The following DTNBP1 variants were observed in gnomAD, a reference collection of about 807,000 sequenced individuals.
DTNBP1 encodes dysbindin.
In DTNBP1, 35 loss-of-function variants were observed where a neutral mutation model predicts 42.8. The observed-to-expected ratio is 0.82, with a 90% CI of 0.63 to 1.09. The LOEUF (loss-of-function observed/expected upper bound fraction) is 1.09. Ranked by LOEUF, DTNBP1 falls within the 50% of genes least tolerant of loss-of-function variation. The pLI is 0.00. For synonymous variants in DTNBP1, 171 were observed against 162.2 expected, an observed-to-expected ratio of 1.05 and a Z score of -0.41; for missense variants, 457 against 424.2, an observed-to-expected ratio of 1.08 and a Z score of -0.68.
chr6:15,635,503 A>G (rs1268902301), intron 4 of DTNBP1, among the ~76,000 whole-genome samples: 1 of 152,128 alleles, frequency 6.6e-6, no homozygotes, highest in Non-Finnish European at 1.5e-5. Flanking sequence ...GAGGATTTAC[A>G]TATCTCATTT....
In DTNBP1 at chr6:15,524,541, G is replaced by A. The variant is rs1772219068; in HGVS notation, c.796C>T (p.Leu266=). Residue 266 remains leucine, a synonymous_variant, in exon 9 of 10, where the codon CTG becomes TTG. Transcript: ENST00000344537. ...TCAACCCTACCTAAGGCGGGGGACA[G>A]CACAGTGTTCTCTTCTCCTCCAGAG... The part of the protein sequence containing the change: ...LNSGGEENTV[L]SPALGPESST... 6.2e-7 allele frequency: 1 copy of A among 1,609,060 alleles called. No individual in the cohort carries two copies. The highest frequency in any genetic ancestry group is 1.3e-5 in the African/African-American group (1 of 74,960).
At chr6:15,532,926 T>C (rs1022362813) in intron 8 of DTNBP1, among the ~76,000 whole-genome samples, 3 of 152,106 alleles carry the variant, frequency 2.0e-5, no homozygotes, top group Non-Finnish European at 2.9e-5. Context: ...CTCAAACTCC[T>C]GACCTCGGGT....
chr6:15,535,380 G>C (rs144024181), intron 7 of DTNBP1, among the ~76,000 whole-genome samples: 4 of 152,092 alleles, frequency 2.6e-5, no homozygotes, highest in African/African-American at 7.2e-5. Context: ...ACAGTGGTGC[G>C]ATCTCAGTTC....
chr6:15,638,190 C>A (rs1000476635), intron 3 of DTNBP1, among the ~76,000 whole-genome samples: 1 of 151,626 alleles, frequency 6.6e-6, no homozygotes, highest in Admixed American at 6.6e-5. Context: ...TGCAGTGGTG[C>A]GATCTCGACT....
chr6:15,628,222 A>C (rs1446794159), intron 4 of DTNBP1, among the ~76,000 whole-genome samples: 2 of 152,162 alleles, frequency 1.3e-5, no homozygotes, highest in Non-Finnish European at 2.9e-5. Context: ...AGAAAGACTT[A>C]GAAGGAGCAA....
intron 6 of DTNBP1, among the ~76,000 whole-genome samples, chr6:15,611,560 A>T (rs1226616100): frequency 6.6e-6 from 1 of 152,218 alleles, no homozygotes; most frequent in Non-Finnish European, 1.5e-5. Flanking sequence ...CCTTCAACGG[A>T]TCTAGGTCAA....
chr6:15,524,423 GT>G, intron 9 of DTNBP1, 102 bp downstream of exon 9: 1 of 1,614,194 alleles, frequency 6.2e-7, no homozygotes, highest in East Asian at 2.2e-5. Context: ...GAGCTTGGGG[GT>G]TTATGCGTAA....
intron 7 of DTNBP1, among the ~76,000 whole-genome samples, chr6:15,569,136 A>C (rs763471197): frequency 6.6e-6 from 1 of 152,238 alleles, no homozygotes; most frequent in African/African-American, 2.4e-5. Context: ...ACCAAAAGTC[A>C]TATAGCACTA....
At chr6:15,621,912 T>C (rs2113722243) in intron 5 of DTNBP1, among the ~76,000 whole-genome samples, 1 of 152,276 alleles carries the variant, frequency 6.6e-6, no homozygotes, top group South Asian at 2.1e-4. Context: ...TCCTCTTCTG[T>C]GCTTCCCCAG....
rs529025365 is a variant in DTNBP1, at chr6:15,621,965, T to C, written c.355+5378A>G. Among the ~76,000 whole-genome samples, 154 of 152,324 alleles carry C rather than the reference T, an allele frequency of 1.0e-3. 1 individual carries two copies. Among genetic ancestry groups the C allele is most frequent in the Admixed American group, 1.9e-3 (29 of 15,298 alleles). On this transcript the variant is annotated intron_variant, in intron 5 of 9. Transcript: ENST00000344537. The stretch of plus-strand genomic sequence containing the variant: ...AGGACTCACATTCTGACTGATATCA[T>C]CCAACCAGTTGTGTACTCTCATATC...
chr6:15,634,829 T>C (rs1355155066), intron 4 of DTNBP1, among the ~76,000 whole-genome samples: 10 of 152,232 alleles, frequency 6.6e-5, no homozygotes, highest in Admixed American at 2.0e-4. Context: ...AGATAACTAA[T>C]ATATATGTCC....
chr6:15,568,785 T>C (rs1775210158), intron 7 of DTNBP1, among the ~76,000 whole-genome samples: 1 of 152,260 alleles, frequency 6.6e-6, no homozygotes, highest in South Asian at 2.1e-4. Flanking sequence ...GCTTGCTTTA[T>C]TGTGAGAATA....
chr6:15,541,135 C>A (rs1159127165), intron 7 of DTNBP1, among the ~76,000 whole-genome samples: 4 of 152,108 alleles, frequency 2.6e-5, no homozygotes, highest in Non-Finnish European at 5.9e-5. Context: ...CCACACCAGC[C>A]ACTATTCAGG....
At chr6:15,611,502 AT>A in intron 6 of DTNBP1, among the ~76,000 whole-genome samples, 1 of 152,218 alleles carries the variant, frequency 6.6e-6, no homozygotes, top group East Asian at 1.9e-4. Context: ...AAGTCTTATT[AT>A]TTAAGAAATA....
intron 7 of DTNBP1, among the ~76,000 whole-genome samples, chr6:15,541,045 C>T (rs1236458368): frequency 1.3e-5 from 2 of 152,164 alleles, no homozygotes; most frequent in Non-Finnish European, 2.9e-5. Flanking sequence ...CCCACCAGCT[C>T]CCCACTTCAT....
chr6:15,600,605 T>G (rs554099877), intron 6 of DTNBP1, among the ~76,000 whole-genome samples: 1 of 152,158 alleles, frequency 6.6e-6, no homozygotes, highest in African/African-American at 2.4e-5. Flanking sequence ...AAGAGGCTAT[T>G]AGTGTAACTC....
chr6:15,554,173 T>C (rs1774379663), intron 7 of DTNBP1, among the ~76,000 whole-genome samples: 1 of 152,244 alleles, frequency 6.6e-6, no homozygotes, highest in Non-Finnish European at 1.5e-5. Flanking sequence ...TTTCTGTCGC[T>C]TTGGGTCTTC....
Position 15,640,846 on chromosome 6 carries a change from G to A in DTNBP1, c.162-3042C>T, listed in dbSNP as rs543568040. 3.3e-5 allele frequency among the ~76,000 whole-genome samples: 5 copies of A among 152,274 alleles called. No individual in the cohort carries two copies. In the East Asian group the frequency reaches 9.6e-4, roughly 29 times the overall value. On this transcript the variant is annotated intron_variant, in intron 3 of 9. Coordinates refer to ENST00000344537, the MANE Select transcript of DTNBP1 (RefSeq NM_032122.5). ...TGAGGTTCATTTCAGTCGACTTCAG[G>A]TTTTAGCACAATGACAGCTACCCAT... is the stretch of plus-strand genomic sequence containing the variant.
chr6:15,642,951 A>G (rs533775864), intron 3 of DTNBP1, among the ~76,000 whole-genome samples: 1 of 152,370 alleles, frequency 6.6e-6, no homozygotes, highest in Non-Finnish European at 1.5e-5. Flanking sequence ...CTCTCTAGCA[A>G]TGGATCCTAA....
Sources: allele counts gnomAD v4.1 joint callset (sites outside exome capture counted in the v4.1 genomes callset), GRCh38; gene constraint gnomAD v4.1.1; transcripts MANE v1.5; gene names NCBI Gene and HGNC (gene_info 2026-07-23, HGNC 2026-07-21).